The following PRPF6 variants were observed in gnomAD, a reference collection of about 807,000 sequenced individuals.
The protein encoded by PRPF6 is pre-mRNA-processing factor 6.
Under a neutral mutation model 118.3 loss-of-function variants are expected in PRPF6, and 42 were observed. The observed-to-expected ratio is 0.35, with a 90% confidence interval of 0.28 to 0.46. PRPF6 has a LOEUF of 0.46. Ranked by LOEUF, PRPF6 falls within the 20% of genes least tolerant of loss-of-function variation. PRPF6 has a pLI of 1.00. For missense variants in PRPF6, 662 were observed against 1,255.7 expected (o/e 0.53, Z 7.15); for synonymous variants, 481 against 485.1 (o/e 0.99, Z 0.11).
At chr20:63,998,858 TAG>T (rs1197208961) in intron 6 of PRPF6, among the ~76,000 whole-genome samples, 185 bp from the exon 7 acceptor site, 8 of 146,774 alleles carry the variant, frequency 5.5e-5, no homozygotes, top group East Asian at 2.0e-4. Context: ...AAAAAAAAAA[TAG>T]ATCTTTTTCC....
chr20:64,016,981 C>T (rs531580856), intron 12 of PRPF6, 136 bp downstream of exon 12: 21 of 1,272,160 alleles, frequency 1.7e-5, no homozygotes, highest in African/African-American at 4.5e-5. Context: ...CTTGCTCTGT[C>T]GCCCAGGCTG....
chr20:63,983,035 G>C lies in PRPF6; in HGVS notation c.72-12G>C. On this transcript the variant is annotated splice_polypyrimidine_tract_variant and intron_variant, in intron 1 of 20. Coordinates refer to ENST00000266079, the MANE Select transcript of PRPF6 (RefSeq NM_012469.4). ...TTATTCAGACACCCGGTGTCTTGGGGGTCTCCTGCAGCGCCACTGGCTTCA... is the reference window on the plus strand; with the variant it reads ...TTATTCAGACACCCGGTGTCTTGGGCGTCTCCTGCAGCGCCACTGGCTTCA... 6.2e-7 allele frequency: 1 copy of C among 1,613,664 alleles called. No homozygotes were observed. Among genetic ancestry groups the C allele is most frequent in the Non-Finnish European group, 8.5e-7 (1 of 1,179,854 alleles).
chr20:63,983,245 C>G (rs1288003543), intron 2 of PRPF6, 30 bp downstream of exon 2: 4 of 1,613,836 alleles, frequency 2.5e-6, no homozygotes, highest in Admixed American at 1.7e-5. Flanking sequence ...CGTGGCTCCT[C>G]CAGCCAGTCT....
At chr20:64,005,153 A>G (rs188370176) in intron 9 of PRPF6, among the ~76,000 whole-genome samples, 17 of 152,280 alleles carry the variant, frequency 1.1e-4, no homozygotes, top group Admixed American at 2.6e-4. Context: ...ATGGTGTGCC[A>G]TGTGGCTTCC....
At chr20:63,993,613 A>G in intron 4 of PRPF6, 128 bp downstream of exon 4, 2 of 764,638 alleles carry the variant, frequency 2.6e-6, no homozygotes, top group Non-Finnish European at 4.5e-6. Context: ...CATTGCTTAG[A>G]AGAAGAAAGT....
chr20:63,996,091 A>G (rs1342748398), intron 6 of PRPF6, among the ~76,000 whole-genome samples: 1 of 152,082 alleles, frequency 6.6e-6, no homozygotes, highest in Non-Finnish European at 1.5e-5. Context: ...AGTGAAGTAC[A>G]GAACTCTTTC....
In PRPF6 at chr20:64,024,687, C is replaced by G. The variant is rs753782086; in HGVS notation, c.1902C>G (p.Ala634=). The G allele has an allele frequency of 9.9e-6, 16 of 1,612,476 alleles. No homozygotes were observed. The South Asian group carries it at 1.8e-4, about 18-fold the overall frequency. Residue 634 remains alanine (A), a synonymous_variant, in exon 14 of 21, where the codon GCC becomes GCG. Coordinates refer to ENST00000266079, the MANE Select transcript of PRPF6 (RefSeq NM_012469.4). The part of the protein sequence containing the change: ...VPAARSILAL[A]FQANPNSEEI... ...CAGCAAGGAGCATCCTGGCCCTGGC[C>G]TTCCAGGTGGGTGAGGGTTGCCTGT...
intron 9 of PRPF6, among the ~76,000 whole-genome samples, chr20:64,004,745 C>T (rs1367721488): frequency 6.6e-6 from 1 of 152,200 alleles, no homozygotes; most frequent in Admixed American, 6.5e-5. Context: ...GCTTCCTGGC[C>T]AGGGTGGGGT....
chr20:64,033,078 A>C lies in PRPF6; in HGVS notation c.*85A>C. The C allele has an allele frequency of 6.3e-6, 10 of 1,583,116 alleles. No individual in the cohort carries two copies. The highest frequency in any genetic ancestry group is 8.6e-6 in the Non-Finnish European group (10 of 1,160,486). ...CTGAGCTGTGTCCTCCTTCATTAAA[A>C]GTTTTTATGTCTCGTGTCAGAACAG... On this transcript the variant is annotated 3_prime_UTR_variant, in exon 21 of 21. Coordinates refer to ENST00000266079, the MANE Select transcript of PRPF6 (RefSeq NM_012469.4).
chr20:63,981,510 G>A (rs1360795279), intron 1 of PRPF6, among the ~76,000 whole-genome samples, 194 bp downstream of exon 1: 1 of 152,226 alleles, frequency 6.6e-6, no homozygotes, highest in Non-Finnish European at 1.5e-5. Context: ...CCGCCTAGAT[G>A]TGACACATTG....
chr20:64,024,583 G>C lies in PRPF6; in HGVS notation c.1798G>C (p.Ala600Pro), dbSNP rs1426786814. ...GTCCCTGGAAGCACTCCTGCAGAGG[G>C]CTGTGGCCCACTGCCCCAAAGCAGA... is the stretch of plus-strand genomic sequence containing the variant. Reference protein sequence around the residue: ...RESLEALLQRAVAHCPKAEVL... With the variant: ...RESLEALLQRPVAHCPKAEVL... Residue 600 changes from alanine to proline, a missense_variant, in exon 14 of 21, where the codon GCT becomes CCT. Ala to Pro is a conservative substitution (Grantham distance 27). This residue lies in a region of PRPF6 where 15 missense variants were observed against 66.5 expected (regional missense o/e 0.23). Coordinates refer to ENST00000266079, the MANE Select transcript of PRPF6 (RefSeq NM_012469.4). The C allele has an allele frequency of 6.2e-7, 1 of 1,613,546 alleles. No homozygotes were observed. The highest frequency in any genetic ancestry group is 8.5e-7 in the Non-Finnish European group (1 of 1,180,052).
chr20:64,021,334 G>A (rs2059261722), intron 12 of PRPF6, among the ~76,000 whole-genome samples: 1 of 148,720 alleles, frequency 6.7e-6, no homozygotes. Flanking sequence ...CTCAGCCACA[G>A]CCGTGTGTCT....
chr20:64,006,486 T>C (rs1343938101), intron 9 of PRPF6, among the ~76,000 whole-genome samples: 1 of 151,864 alleles, frequency 6.6e-6, no homozygotes, highest in African/African-American at 2.4e-5. Flanking sequence ...CCGACTAATT[T>C]TTGTATTTTT....
intron 11 of PRPF6, among the ~76,000 whole-genome samples, chr20:64,013,427 CCTTTCTTCTT>C (rs1287976937): frequency 6.6e-6 from 1 of 151,696 alleles, no homozygotes; most frequent in Non-Finnish European, 1.5e-5. Flanking sequence ...TTCCTTCCTT[CCTTTCTTCTT>C]CTTTCTTTCT....
Position 64,028,028 on chromosome 20 carries a change from G to C in PRPF6, c.2339+292G>C, listed in dbSNP as rs1569225956. ...TGGGACGAGGGAAGGATGGACCCCG[G>C]AGAGCCAGCTCCACAGAGGAGGTGG... On this transcript the variant is annotated intron_variant, in intron 17 of 20. Transcript: ENST00000266079. This position sits in a 1 kb window ranked among gnomAD's most constrained non-coding sequence, Gnocchi z 6.5. Among the ~76,000 whole-genome samples the C allele has an allele frequency of 6.6e-6, 1 of 152,178 alleles. No individual in the cohort carries two copies. The highest frequency in any genetic ancestry group is 1.5e-5 in the Non-Finnish European group (1 of 68,022).
Position 63,981,407 on chromosome 20 carries a change from C to T in PRPF6, c.71+91C>T, listed in dbSNP as rs1601504361. The T allele has an allele frequency of 3.9e-6, 5 of 1,281,336 alleles. No homozygotes were observed. In the East Asian group the frequency reaches 1.0e-4, roughly 26 times the overall value. The allele number at this position is 1,281,336 out of a possible 1,614,324, so 79.4% of individuals were successfully genotyped here. ...GTTTGGGGGCGGGGGTCTATGGCCG[C>T]GCAGTCTGAAAGACGCTTGGTGGAT... is the stretch of plus-strand genomic sequence containing the variant. On this transcript the variant is annotated intron_variant, in intron 1 of 20. Coordinates refer to ENST00000266079, the MANE Select transcript of PRPF6 (RefSeq NM_012469.4).
intron 12 of PRPF6, 72 bp downstream of exon 12, chr20:64,016,917 A>C: frequency 1.3e-6 from 2 of 1,594,206 alleles, no homozygotes; most frequent in South Asian, 1.1e-5. Context: ...CACCTTATAA[A>C]CTACTAGGCT....
chr20:64,002,049 C>T (rs563412456), intron 9 of PRPF6, among the ~76,000 whole-genome samples: 1,731 of 105,810 alleles, frequency 0.016, 45 homozygotes, highest in African/African-American at 0.06. Flanking sequence ...GATGGAGTCT[C>T]GCCCTGTCGC....
chr20:64,032,843 G>A lies in PRPF6; in HGVS notation c.2676G>A (p.Glu892=), dbSNP rs750964166. The change falls in exon 21 of 21, where the codon GAG becomes GAA. Residue 892 remains glutamate (E), a splice_region_variant and synonymous_variant. Coordinates refer to ENST00000266079, the MANE Select transcript of PRPF6 (RefSeq NM_012469.4). ...GACGTGCCCTGTGGTCCCCCCAGGA[G>A]CAGCAGGAGGAGGTGAGGAAGCGCT... The part of the protein sequence containing the change: ...YKFELQHGTE[E]QQEEVRKRCE... The A allele has an allele frequency of 6.2e-7, 1 of 1,607,898 alleles. No individual in the cohort carries two copies. Among genetic ancestry groups the A allele is most frequent in the African/African-American group, 1.3e-5 (1 of 74,816 alleles).
Sources: gnomAD v4.1 joint callset for allele counts (sites outside exome capture counted in the v4.1 genomes callset) on GRCh38, gnomAD v4.1.1 for gene constraint, gnomAD v4.1.1 regional missense constraint, Gnocchi (gnomAD v3.1) non-coding constraint, MANE v1.5 for transcripts, NCBI Gene and HGNC (gene_info 2026-07-23, HGNC 2026-07-21) for gene names.